Variants in TBCK observed in about 807,000 individuals in gnomAD.
TBCK encodes the protein TBC1 domain containing kinase.
A neutral mutation model predicts 113.4 loss-of-function variants in TBCK; 99 were observed. That is an observed-to-expected ratio of 0.87 (90% confidence interval 0.74 to 1.03). TBCK has a LOEUF of 1.03. Among genes scored for constraint, TBCK ranks in the 50% least tolerant of loss-of-function variants. TBCK has a pLI of 0.00. For missense variants in TBCK, 1,045 were observed against 1,061.3 expected, an observed-to-expected ratio of 0.98 and a Z score of 0.21; for synonymous variants, 369 against 370.8, an observed-to-expected ratio of 1.00 and a Z score of 0.05.
intron 25 of TBCK, among the ~76,000 whole-genome samples, chr4:106,090,717 T>G (rs567325730): frequency 1.3e-5 from 2 of 152,272 alleles, no homozygotes; most frequent in Admixed American, 1.3e-4. Context: ...GTCATCATAA[T>G]TAAGTTTAAA....
chr4:106,244,609 G>A lies in TBCK; in HGVS notation c.1070+17C>T, dbSNP rs1760551777. ...TATTTATTTATTTAAATTCCCAAGA[G>A]AAGTTTCTTTCCTTACTTGGGGAGT... is the stretch of plus-strand genomic sequence containing the variant. On this transcript the variant is annotated intron_variant, in intron 11 of 25. Coordinates refer to ENST00000394708, the MANE Select transcript of TBCK (RefSeq NM_001163435.3). The A allele has an allele frequency of 2.0e-6, 3 of 1,530,990 alleles. No homozygotes were observed. Among genetic ancestry groups the A allele is most frequent in the Admixed American group, 2.3e-5 (1 of 44,300 alleles). 94.8% of individuals were successfully genotyped at this position (1,530,990 alleles called of 1,614,324 possible). A position where few individuals can be genotyped will look rare whatever the true frequency, so the allele number is the denominator to read the frequency against.
intron 25 of TBCK, among the ~76,000 whole-genome samples, chr4:106,075,371 GT>G (rs1738056534): frequency 1.3e-5 from 2 of 152,230 alleles, no homozygotes. Flanking sequence ...GTATGCCTGA[GT>G]ATGGAGGACG....
chr4:106,230,819 A>G (rs1205603696), intron 18 of TBCK, among the ~76,000 whole-genome samples: 1 of 151,832 alleles, frequency 6.6e-6, no homozygotes, highest in Non-Finnish European at 1.5e-5. Context: ...AGAGTCTACG[A>G]ACTATGGATT....
rs775322205 is a variant in TBCK at position 106,295,081 on chromosome 4, T to C, written c.266+13A>G. Reference sequence around the variant, plus strand: ...TCTGCTTTTCATTTAATTGTTCTGATACTATACAGTACCTCACAGGTTTCC... The same window carrying C: ...TCTGCTTTTCATTTAATTGTTCTGACACTATACAGTACCTCACAGGTTTCC... On this transcript the variant is annotated intron_variant, in intron 3 of 25. Transcript: ENST00000394708. The C allele has an allele frequency of 1.9e-6, 3 of 1,593,864 alleles. No homozygotes were observed. Among genetic ancestry groups the C allele is most frequent in the Non-Finnish European group, 2.6e-6 (3 of 1,168,260 alleles).
chr4:106,206,884 C>G (rs1232158532), intron 20 of TBCK, among the ~76,000 whole-genome samples: 1 of 152,110 alleles, frequency 6.6e-6, no homozygotes, highest in Non-Finnish European at 1.5e-5. Context: ...TTAGCTTTAT[C>G]TTTAGCTGTG....
intron 25 of TBCK, among the ~76,000 whole-genome samples, chr4:106,047,262 T>C (rs1734320191): frequency 6.6e-6 from 1 of 152,186 alleles, no homozygotes; most frequent in Admixed American, 6.5e-5. Context: ...GAGGACTTTG[T>C]AAAAGTTATC....
chr4:106,212,953 T>C (rs943605146), intron 19 of TBCK, 118 bp from the exon 20 acceptor site: 26 of 658,850 alleles, frequency 3.9e-5, no homozygotes, highest in Admixed American at 1.5e-4. Context: ...GAGAATACTT[T>C]ACGTGATAAT....
At chr4:106,193,276 T>C (rs369791890) in intron 22 of TBCK, among the ~76,000 whole-genome samples, 1 of 152,176 alleles carries the variant, frequency 6.6e-6, no homozygotes, top group African/African-American at 2.4e-5. Context: ...CCAAGTGGCC[T>C]TTCTATACTT....
At chr4:106,311,504 T>C (rs1263492875) in intron 1 of TBCK, among the ~76,000 whole-genome samples, 2 of 151,864 alleles carry the variant, frequency 1.3e-5, no homozygotes, top group African/African-American at 4.8e-5. Context: ...ATAAAACAAA[T>C]AATTCTGGAA....
At chr4:106,158,586 C>A (rs1749387499) in intron 23 of TBCK, among the ~76,000 whole-genome samples, 1 of 151,824 alleles carries the variant, frequency 6.6e-6, no homozygotes, top group South Asian at 2.1e-4. Context: ...ACAAAGCTTA[C>A]CAAGACTAAA....
intron 24 of TBCK, among the ~76,000 whole-genome samples, chr4:106,096,550 A>G (rs1216499965): frequency 6.6e-6 from 1 of 152,174 alleles, no homozygotes; most frequent in African/African-American, 2.4e-5. Flanking sequence ...GAAATGCTGT[A>G]GCAGACATGT....
intron 25 of TBCK, among the ~76,000 whole-genome samples, chr4:106,080,560 A>G (rs1738729754): frequency 6.6e-6 from 1 of 152,238 alleles, no homozygotes; most frequent in Non-Finnish European, 1.5e-5. Flanking sequence ...ACCGAAAGCA[A>G]TCAAAACCCT....
intron 3 of TBCK, among the ~76,000 whole-genome samples, chr4:106,268,191 C>T (rs967703550): frequency 6.6e-6 from 1 of 152,006 alleles, no homozygotes; most frequent in African/African-American, 2.4e-5. Flanking sequence ...TATGGTTTGC[C>T]ATTTCAATAA....
intron 12 of TBCK, among the ~76,000 whole-genome samples, chr4:106,238,045 T>C (rs1176929590): frequency 6.6e-6 from 1 of 152,072 alleles, no homozygotes; most frequent in Non-Finnish European, 1.5e-5. Context: ...AAGAAGAGTA[T>C]TTTAAATTTC....
Position 106,250,497 on chromosome 4 carries a change from G to T in TBCK, c.598-19C>A. 7.3e-7 allele frequency: 1 copy of T among 1,362,530 alleles called. No homozygotes were observed. Among genetic ancestry groups the T allele is most frequent in the Non-Finnish European group, 1.0e-6 (1 of 978,024 alleles). The allele number at this position is 1,362,530 out of a possible 1,614,324, so 84.4% of individuals were successfully genotyped here. ...TTCTTCCCTAAATAAAATGAGAAAA[G>T]AAATTTCTATTAATATTTACATGTT... On this transcript the variant is annotated intron_variant, in intron 6 of 25. Transcript: ENST00000394708.
intron 24 of TBCK, among the ~76,000 whole-genome samples, chr4:106,107,498 C>T (rs924338816): frequency 6.6e-6 from 1 of 152,256 alleles, no homozygotes; most frequent in African/African-American, 2.4e-5. Context: ...CAAAATCATA[C>T]AATTACATAG....
At position 106,236,409 on chromosome 4, in the gene TBCK, A is replaced by G. The variant is rs367571873; in HGVS notation, c.1331T>C (p.Leu444Pro). 8 of 1,520,150 alleles carry G rather than the reference A, an allele frequency of 5.3e-6. No individual in the cohort carries two copies. The highest frequency in any genetic ancestry group is 1.4e-5 in the African/African-American group (1 of 71,426). 94.2% of individuals were successfully genotyped at this position (1,520,150 alleles called of 1,614,324 possible). Residue 444 changes from leucine (L) to proline (P), a missense_variant, in exon 14 of 26, where the codon CTC becomes CCC. Coordinates refer to ENST00000394708, the MANE Select transcript of TBCK (RefSeq NM_001163435.3). ...CCATACCTTTAGCAGCCTGTCGAAG[A>G]GAATAATTCTATTTAGTTGGTACTC... ...DTEYQLNRII[L>P]FDRLLKAYPY...
At chr4:106,284,767 C>T (rs1413169962) in intron 3 of TBCK, among the ~76,000 whole-genome samples, 1 of 152,098 alleles carries the variant, frequency 6.6e-6, no homozygotes, top group Non-Finnish European at 1.5e-5. Context: ...AGCACCTAGA[C>T]TTAAAAGAAA....
At chr4:106,116,138 T>G (rs1490497612) in intron 24 of TBCK, 65 bp downstream of exon 24, 7 of 1,481,010 alleles carry the variant, frequency 4.7e-6, no homozygotes, top group Non-Finnish European at 6.4e-6. Flanking sequence ...CACACAACAC[T>G]TAAATGAAAG....
Sources: allele counts gnomAD v4.1 joint callset (sites outside exome capture counted in the v4.1 genomes callset), GRCh38; gene constraint gnomAD v4.1.1; transcripts MANE v1.5; gene names NCBI Gene and HGNC (gene_info 2026-07-23, HGNC 2026-07-21).